NRCAM: variants seen among roughly 807,000 people sequenced by gnomAD.
NRCAM encodes NgCAM-related cell adhesion molecule.
A neutral mutation model predicts 156.5 loss-of-function variants in NRCAM; 83 were observed. The ratio of observed to expected loss-of-function variants is 0.53; its 90% CI spans 0.44 to 0.64. The LOEUF (loss-of-function observed/expected upper bound fraction) is 0.64, where lower values mean the gene tolerates loss of function less well. Ranked by LOEUF, NRCAM falls within the 30% of genes least tolerant of loss-of-function variation. The pLI, the probability that NRCAM is intolerant of heterozygous loss-of-function variation, is 0.00. For missense variants in NRCAM, 1,417 were observed against 1,597.3 expected (o/e 0.89, Z 1.92); for synonymous variants, 538 against 563.9 (o/e 0.95, Z 0.65).
At chr7:108,224,580 T>C (rs765890965) in intron 10 of NRCAM, among the ~76,000 whole-genome samples, 2 of 152,110 alleles carry the variant, frequency 1.3e-5, no homozygotes, top group South Asian at 2.1e-4. Context: ...TTAGAAAAAC[T>C]TGGAGCAGAA....
chr7:108,438,410 C>T (rs2154478093), intron 1 of NRCAM, among the ~76,000 whole-genome samples: 1 of 152,164 alleles, frequency 6.6e-6, no homozygotes, highest in South Asian at 2.1e-4. Context: ...ACAAAAATCA[C>T]ATTATAGTTT....
intron 3 of NRCAM, among the ~76,000 whole-genome samples, chr7:108,277,903 G>A (rs143765152): frequency 0.011 from 1,605 of 152,288 alleles, 18 homozygotes; most frequent in Middle Eastern, 0.048. Flanking sequence ...TGATGTTGGT[G>A]ACCTAGAGAT....
intron 1 of NRCAM, among the ~76,000 whole-genome samples, chr7:108,424,378 T>G (rs1407136645): frequency 6.6e-6 from 1 of 152,216 alleles, no homozygotes; most frequent in Non-Finnish European, 1.5e-5. Flanking sequence ...TCCTGGAAGC[T>G]CTGGAGAAGG....
At chr7:108,345,530 A>C (rs1421551784) in intron 2 of NRCAM, among the ~76,000 whole-genome samples, 1 of 152,208 alleles carries the variant, frequency 6.6e-6, no homozygotes, top group Non-Finnish European at 1.5e-5. Context: ...GTGAAACCCT[A>C]ATCTTCAATG....
At chr7:108,231,923 C>T (rs983969756) in intron 7 of NRCAM, among the ~76,000 whole-genome samples, 1 of 151,988 alleles carries the variant, frequency 6.6e-6, no homozygotes. Flanking sequence ...CACTCCACTT[C>T]CAGTAAAATT....
At chr7:108,298,526 G>T (rs1349709538) in intron 3 of NRCAM, among the ~76,000 whole-genome samples, 2 of 151,470 alleles carry the variant, frequency 1.3e-5, no homozygotes, top group East Asian at 3.9e-4. Flanking sequence ...GGTGCTGGAC[G>T]CCTATAGTCC....
At chr7:108,387,435 T>C (rs964677522) in intron 2 of NRCAM, among the ~76,000 whole-genome samples, 5 of 152,146 alleles carry the variant, frequency 3.3e-5, no homozygotes, top group African/African-American at 1.2e-4. Flanking sequence ...TTACTGGTAA[T>C]TATAATAATA....
At chr7:108,234,379 T>C (rs2094674832) in intron 6 of NRCAM, among the ~76,000 whole-genome samples, 1 of 150,706 alleles carries the variant, frequency 6.6e-6, no homozygotes. Context: ...GAAGTTACCT[T>C]CAGTATCTTT....
In NRCAM at chr7:108,378,710, G is replaced by T. The variant is rs115172171; in HGVS notation, c.-174+20726C>A. Among the ~76,000 whole-genome samples the T allele has an allele frequency of 5.0e-3, 697 of 138,572 alleles. 5 individuals are homozygous for T. The highest frequency in any genetic ancestry group is 0.018 in the African/African-American group (664 of 37,356). The allele number at this position is 138,572 out of a possible 152,430, so 90.9% of individuals were successfully genotyped here. ...ACACAAACTCCAAGACACACACTACGGTGAAATTTCAGAAATCCAAAGGCA... is the reference window on the plus strand; with the variant it reads ...ACACAAACTCCAAGACACACACTACTGTGAAATTTCAGAAATCCAAAGGCA... On this transcript the variant is annotated intron_variant, in intron 2 of 32. Transcript: ENST00000379028.
At chr7:108,415,759 G>A (rs1057096355) in intron 1 of NRCAM, among the ~76,000 whole-genome samples, 37 of 152,290 alleles carry the variant, frequency 2.4e-4, no homozygotes, top group African/African-American at 8.7e-4. Flanking sequence ...GCAGGCACCT[G>A]TAATCCCAGC....
chr7:108,160,563 G>A (rs1405193532), intron 30 of NRCAM, 71 bp from the exon 31 acceptor site: 4 of 1,421,746 alleles, frequency 2.8e-6, no homozygotes, highest in African/African-American at 2.9e-5. Flanking sequence ...GTCTCTCAGA[G>A]TAAAAAATTG....
At position 108,183,284 on chromosome 7, in the gene NRCAM, G is replaced by C. The variant is rs542548802; in HGVS notation, c.2305-364C>G. On this transcript the variant is annotated intron_variant, in intron 22 of 32. Transcript: ENST00000379028. ...TACATCATTGTCCATTTTATTTGCA[G>C]ATGGAAACTTAGACTGTTTTCCTCT... Among the ~76,000 whole-genome samples, 15 of 88,524 alleles carry C rather than the reference G, an allele frequency of 1.7e-4. No individual in the cohort carries two copies. The East Asian group carries it at 1.0e-2, about 59-fold the overall frequency. The allele number at this position is 88,524 out of a possible 152,430, so 58.1% of individuals were successfully genotyped here. A position where few individuals can be genotyped will look rare whatever the true frequency, so the allele number is the denominator to read the frequency against.
chr7:108,363,769 T>C (rs967209432), intron 2 of NRCAM, among the ~76,000 whole-genome samples: 2 of 152,226 alleles, frequency 1.3e-5, no homozygotes, highest in African/African-American at 4.8e-5. Flanking sequence ...GCCTTAGCCC[T>C]AGTCTTATCA....
intron 1 of NRCAM, among the ~76,000 whole-genome samples, chr7:108,417,511 A>G (rs1803116353): frequency 6.6e-6 from 1 of 152,212 alleles, no homozygotes; most frequent in African/African-American, 2.4e-5. Flanking sequence ...ATACTGTTAC[A>G]AAGGCAATTA....
At chr7:108,270,808 G>T (rs2097315050) in intron 3 of NRCAM, among the ~76,000 whole-genome samples, 1 of 152,236 alleles carries the variant, frequency 6.6e-6, no homozygotes, top group Admixed American at 6.5e-5. Context: ...ATTTATATGA[G>T]TTACCCAGAA....
chr7:108,255,472 A>G (rs576116945), intron 3 of NRCAM, among the ~76,000 whole-genome samples: 29 of 152,104 alleles, frequency 1.9e-4, no homozygotes, highest in African/African-American at 5.8e-4. Context: ...TCAGTGCTCA[A>G]TGTTGCCCAG....
In NRCAM at chr7:108,195,641, T is replaced by G. The variant is rs973627618; in HGVS notation, c.1463+120A>C. 7 of 648,226 alleles carry G rather than the reference T, an allele frequency of 1.1e-5. 1 individual carries two copies. Among genetic ancestry groups the G allele is most frequent in the Non-Finnish European group, 1.9e-5 (7 of 361,702 alleles). The allele number at this position is 648,226 out of a possible 1,614,324, so 40.2% of individuals were successfully genotyped here. On this transcript the variant is annotated intron_variant, in intron 15 of 32. Transcript: ENST00000379028. ...ACAAGAAAAAAAAATATATTAACAG[T>G]GTAATGGATTGTGTGGTGCCTTTCC...
At chr7:108,368,771 A>G (rs560559645) in intron 2 of NRCAM, among the ~76,000 whole-genome samples, 15 of 152,276 alleles carry the variant, frequency 9.9e-5, no homozygotes, top group Admixed American at 7.8e-4. Context: ...GAGAAACCGT[A>G]TATTTCTGAA....
chr7:108,184,133 T>C (rs2065238706), intron 22 of NRCAM, 108 bp downstream of exon 22: 4 of 647,322 alleles, frequency 6.2e-6, no homozygotes, highest in Non-Finnish European at 1.0e-5. Flanking sequence ...TATATATTTT[T>C]TTTCCCCAGA....
Sources: gnomAD v4.1 joint callset for allele counts (sites outside exome capture counted in the v4.1 genomes callset) on GRCh38, gnomAD v4.1.1 for gene constraint, MANE v1.5 for transcripts, NCBI Gene and HGNC (gene_info 2026-07-23, HGNC 2026-07-21) for gene names.